NRG1: variants seen among roughly 807,000 people sequenced by gnomAD.
The protein encoded by NRG1 is pro-neuregulin-1, membrane-bound isoform.
NRG1 carries 18 observed loss-of-function variants against 63.8 expected under a neutral mutation model. The ratio of observed to expected loss-of-function variants is 0.28; its 90% confidence interval spans 0.19 to 0.42. The LOEUF is 0.42. Ranked by LOEUF, NRG1 falls within the 10% of genes least tolerant of loss-of-function variation. NRG1 has a pLI of 1.00. For missense variants in NRG1, 762 were observed against 814.7 expected (o/e 0.94, Z 0.79); for synonymous variants, 302 against 301.3 (o/e 1.00, Z -0.02).
intron 1 of NRG1, among the ~76,000 whole-genome samples, chr8:32,310,996 A>G (rs1856750416): frequency 6.6e-6 from 1 of 152,126 alleles, no homozygotes; most frequent in African/African-American, 2.4e-5. Flanking sequence ...GTCTTCCTAA[A>G]TACCTCTTGG....
intron 1 of NRG1, among the ~76,000 whole-genome samples, chr8:31,884,607 A>G (rs966750289): frequency 3.3e-5 from 5 of 152,084 alleles, no homozygotes; most frequent in African/African-American, 1.2e-4. Context: ...AAATTTATGT[A>G]AAAAAATGAA....
At chr8:32,404,956 T>C (rs1813755861) in intron 1 of NRG1, among the ~76,000 whole-genome samples, 1 of 152,148 alleles carries the variant, frequency 6.6e-6, no homozygotes, top group African/African-American at 2.4e-5. Flanking sequence ...TCCCTCCCAG[T>C]TGCTCCTAAG....
intron 1 of NRG1, among the ~76,000 whole-genome samples, chr8:32,047,314 A>G (rs1821167989): frequency 6.6e-6 from 1 of 152,044 alleles, no homozygotes; most frequent in Non-Finnish European, 1.5e-5. Context: ...GCGAGGATGA[A>G]TTTCATTCTA....
At chr8:32,091,549 C>G (rs1231198568) in intron 1 of NRG1, among the ~76,000 whole-genome samples, 3 of 152,148 alleles carry the variant, frequency 2.0e-5, no homozygotes, top group African/African-American at 7.2e-5. Flanking sequence ...GCCACACATG[C>G]CCACAGGCTG....
At chr8:32,201,928 CTTGT>C (rs1274606862) in intron 1 of NRG1, among the ~76,000 whole-genome samples, 1 of 152,060 alleles carries the variant, frequency 6.6e-6, no homozygotes, top group African/African-American at 2.4e-5. Flanking sequence ...GAAAGTTCTG[CTTGT>C]TTGATGAGAA....
chr8:32,455,386 T>C (rs1374553525), intron 1 of NRG1, among the ~76,000 whole-genome samples: 1 of 152,230 alleles, frequency 6.6e-6, no homozygotes, highest in Non-Finnish European at 1.5e-5. Flanking sequence ...AGCTTCTCTA[T>C]GTCTGAAGTT....
chr8:32,754,837 A>T (rs1829391508), intron 8 of NRG1, among the ~76,000 whole-genome samples: 1 of 152,132 alleles, frequency 6.6e-6, no homozygotes, highest in Non-Finnish European at 1.5e-5. Flanking sequence ...TAGTATAATT[A>T]AGTTATCCCC....
chr8:32,654,714 T>C (rs1198094753), intron 5 of NRG1, among the ~76,000 whole-genome samples: 1 of 87,398 alleles, frequency 1.1e-5, no homozygotes, highest in Non-Finnish European at 2.6e-5. Context: ...AACAATATAA[T>C]ATATGAGAAA....
At chr8:32,179,344 A>G (rs1251995171) in intron 1 of NRG1, among the ~76,000 whole-genome samples, 3 of 152,168 alleles carry the variant, frequency 2.0e-5, no homozygotes, top group Non-Finnish European at 4.4e-5. Flanking sequence ...CACTGTGTGT[A>G]GCAATACGTT....
chr8:31,880,822 T>C (rs1830292893), intron 1 of NRG1, among the ~76,000 whole-genome samples: 1 of 152,174 alleles, frequency 6.6e-6, no homozygotes, highest in Non-Finnish European at 1.5e-5. Context: ...TACAAAATAT[T>C]TGAATGGCTT....
chr8:32,085,733 G>A (rs1449509287), intron 1 of NRG1, among the ~76,000 whole-genome samples: 1 of 152,112 alleles, frequency 6.6e-6, no homozygotes, highest in Non-Finnish European at 1.5e-5. Context: ...TACCTCACCT[G>A]GGATTATATT....
intron 1 of NRG1, among the ~76,000 whole-genome samples, chr8:32,181,696 G>T (rs1199807325): frequency 6.6e-6 from 1 of 152,204 alleles, no homozygotes; most frequent in African/African-American, 2.4e-5. Context: ...AATCTCTCAT[G>T]AAGTCACAGC....
intron 1 of NRG1, among the ~76,000 whole-genome samples, chr8:32,411,915 G>A (rs1217308220): frequency 6.6e-6 from 1 of 152,164 alleles, no homozygotes; most frequent in Non-Finnish European, 1.5e-5. Context: ...TGGGGACCAT[G>A]CGTACTCTGA....
At chr8:32,479,020 G>A (rs1824888527) in intron 1 of NRG1, among the ~76,000 whole-genome samples, 1 of 152,054 alleles carries the variant, frequency 6.6e-6, no homozygotes, top group Non-Finnish European at 1.5e-5. Flanking sequence ...CTAAGAAGGG[G>A]GTGTGCTTAC....
intron 1 of NRG1, among the ~76,000 whole-genome samples, chr8:32,346,064 T>A (rs1006993854): frequency 6.8e-6 from 1 of 147,704 alleles, no homozygotes; most frequent in Admixed American, 6.8e-5. Context: ...ATTCTATATT[T>A]TATATATAAT....
chr8:31,688,150 C>T (rs537374518), intron 1 of NRG1, among the ~76,000 whole-genome samples: 42 of 152,318 alleles, frequency 2.8e-4, no homozygotes, highest in Non-Finnish European at 5.1e-4. Flanking sequence ...ATGGTTAAAT[C>T]CATGACTTTG....
intron 1 of NRG1, among the ~76,000 whole-genome samples, chr8:31,929,920 T>C (rs1563580399): frequency 6.6e-6 from 1 of 152,228 alleles, no homozygotes; most frequent in African/African-American, 2.4e-5. Context: ...GACCTGACTA[T>C]AAATATTTTA....
intron 1 of NRG1, among the ~76,000 whole-genome samples, chr8:32,165,253 C>A (rs192230733): frequency 6.6e-4 from 101 of 152,130 alleles, no homozygotes; most frequent in Non-Finnish European, 1.2e-3. Flanking sequence ...ATCTTCCTAC[C>A]TCAGCCTTCT....
intron 2 of NRG1, among the ~76,000 whole-genome samples, chr8:32,604,741 A>C (rs1036684963): frequency 6.6e-6 from 1 of 152,108 alleles, no homozygotes; most frequent in Admixed American, 6.6e-5. Flanking sequence ...CTTTAGAATA[A>C]TTCTTTAGAA....
Sources: allele counts gnomAD v4.1 joint callset (sites outside exome capture counted in the v4.1 genomes callset), GRCh38; gene constraint gnomAD v4.1.1; transcripts MANE v1.5; gene names NCBI Gene and HGNC (gene_info 2026-07-23, HGNC 2026-07-21).